Variants in NELL2 observed in about 807,000 individuals in gnomAD.
NELL2 encodes the protein protein kinase C-binding protein NELL2.
In NELL2, 41 loss-of-function variants were observed where a neutral mutation model predicts 109.6. That is an observed-to-expected ratio of 0.37 (90% confidence interval 0.29 to 0.49). NELL2 has a LOEUF of 0.49. Among genes scored for constraint, NELL2 ranks in the 20% least tolerant of loss-of-function variants. The probability of loss-of-function intolerance (pLI) is 0.98; values close to 1 mark genes in which losing one functional copy is unlikely to be tolerated. For synonymous variants in NELL2, 355 were observed against 344.7 expected (o/e 1.03, Z -0.33); for missense variants, 900 against 1,008.3 (o/e 0.89, Z 1.45).
chr12:44,731,487 T>C (rs1248748780), intron 9 of NELL2, among the ~76,000 whole-genome samples: 1 of 152,032 alleles, frequency 6.6e-6, no homozygotes, highest in Non-Finnish European at 1.5e-5. Context: ...GAACAAAGTA[T>C]AACATCACAT....
chr12:44,567,090 G>A (rs757539899), intron 15 of NELL2, among the ~76,000 whole-genome samples: 17 of 152,264 alleles, frequency 1.1e-4, no homozygotes, highest in African/African-American at 2.9e-4. Context: ...GATTACAGGC[G>A]TGAGCCACTG....
chr12:44,748,320 G>A (rs930330953), intron 9 of NELL2, among the ~76,000 whole-genome samples: 3 of 152,102 alleles, frequency 2.0e-5, no homozygotes, highest in Non-Finnish European at 4.4e-5. Flanking sequence ...ACCTTTGATA[G>A]TAGGTTTGCT....
intron 12 of NELL2, among the ~76,000 whole-genome samples, chr12:44,681,649 T>C (rs1247470842): frequency 3.9e-5 from 6 of 151,908 alleles, no homozygotes; most frequent in Non-Finnish European, 7.4e-5. Context: ...CTCCCACCTA[T>C]GGGTGAGAAT....
At chr12:44,509,011 A>T in intron 19 of NELL2, 27 bp from the exon 20 acceptor site, 1 of 1,595,304 alleles carries the variant, frequency 6.3e-7, no homozygotes, top group South Asian at 1.1e-5. Flanking sequence ...TAGAAAGAAA[A>T]ACAGTATGAA....
chr12:44,528,048 A>G (rs901425227), intron 16 of NELL2, among the ~76,000 whole-genome samples: 1 of 135,562 alleles, frequency 7.4e-6, no homozygotes, highest in African/African-American at 2.7e-5. Context: ...CAGTGAGCCG[A>G]GATCGCCTCA....
chr12:44,629,332 A>G (rs1269091852), intron 13 of NELL2, among the ~76,000 whole-genome samples: 1 of 152,214 alleles, frequency 6.6e-6, no homozygotes, highest in African/African-American at 2.4e-5. Context: ...CATTTTTCCT[A>G]TTGATAGGAT....
chr12:44,792,542 C>T (rs188981250), intron 3 of NELL2, among the ~76,000 whole-genome samples: 3 of 152,116 alleles, frequency 2.0e-5, no homozygotes, highest in African/African-American at 7.2e-5. Context: ...GGAAAAGACA[C>T]CATAAATAAA....
intron 15 of NELL2, among the ~76,000 whole-genome samples, chr12:44,592,844 A>G (rs1169304698): frequency 6.6e-6 from 1 of 152,238 alleles, no homozygotes; most frequent in Non-Finnish European, 1.5e-5. Context: ...CATTAGCTTA[A>G]TGGAAAATCT....
intron 15 of NELL2, among the ~76,000 whole-genome samples, chr12:44,600,169 T>C (rs1232600227): frequency 1.4e-5 from 2 of 148,052 alleles, no homozygotes; most frequent in Non-Finnish European, 3.0e-5. Context: ...TATTTATTTA[T>C]TTATTTATTT....
intron 15 of NELL2, among the ~76,000 whole-genome samples, chr12:44,596,937 T>C (rs1944988388): frequency 6.6e-6 from 1 of 152,184 alleles, no homozygotes; most frequent in South Asian, 2.1e-4. Context: ...GACATGGAGT[T>C]TGAAGCAGCT....
At chr12:44,864,408 G>A (rs1320288196) in intron 2 of NELL2, among the ~76,000 whole-genome samples, 4 of 152,070 alleles carry the variant, frequency 2.6e-5, no homozygotes, top group Non-Finnish European at 4.4e-5. Flanking sequence ...AAACAAAATA[G>A]AACAGGATAG....
intron 15 of NELL2, among the ~76,000 whole-genome samples, chr12:44,552,409 A>G (rs1943077221): frequency 2.6e-5 from 4 of 151,278 alleles, no homozygotes; most frequent in Non-Finnish European, 5.9e-5. Flanking sequence ...AAACCTTCAC[A>G]TATTTTCTTT....
At chr12:44,889,073 G>A (rs1945506229) in intron 1 of NELL2, among the ~76,000 whole-genome samples, 1 of 151,932 alleles carries the variant, frequency 6.6e-6, no homozygotes, top group Non-Finnish European at 1.5e-5. Flanking sequence ...TGCTGTACAT[G>A]AATGCCAGTT....
At chr12:44,702,513 T>C (rs918136983) in intron 12 of NELL2, among the ~76,000 whole-genome samples, 13 of 152,322 alleles carry the variant, frequency 8.5e-5, no homozygotes, top group Admixed American at 7.9e-4. Context: ...TTTCATGTTA[T>C]ACATATAAAC....
chr12:44,905,836 T>C (rs1335465321), intron 1 of NELL2, among the ~76,000 whole-genome samples: 1 of 152,036 alleles, frequency 6.6e-6, no homozygotes, highest in South Asian at 2.1e-4. Flanking sequence ...ATTTAATTAA[T>C]GTTTAATGAA....
upstream of NELL2, chr12:44,876,869 C>A (rs1945343141): frequency 7.8e-7 from 1 of 1,288,160 alleles, no homozygotes; most frequent in Admixed American, 3.5e-5. Context: ...GGACGGATGG[C>A]GAGCCTGGGA....
intron 15 of NELL2, among the ~76,000 whole-genome samples, chr12:44,562,931 G>T (rs1943521124): frequency 6.6e-6 from 1 of 152,168 alleles, no homozygotes; most frequent in Admixed American, 6.5e-5. Flanking sequence ...GCCCATCAAT[G>T]ATAGACTGGA....
At chr12:44,808,855 T>C (rs1943086266) in intron 3 of NELL2, among the ~76,000 whole-genome samples, 1 of 152,004 alleles carries the variant, frequency 6.6e-6, no homozygotes, top group Non-Finnish European at 1.5e-5. Flanking sequence ...GTATAATTAA[T>C]ATTAAGAGGA....
chr12:44,891,128 C>T (rs1945529021), intron 1 of NELL2, among the ~76,000 whole-genome samples: 1 of 152,192 alleles, frequency 6.6e-6, no homozygotes, highest in Non-Finnish European at 1.5e-5. Flanking sequence ...CCAAATTAAC[C>T]CCTACTATTT....
Sources: gnomAD v4.1 joint callset for allele counts (sites outside exome capture counted in the v4.1 genomes callset) on GRCh38, gnomAD v4.1.1 for gene constraint, MANE v1.5 for transcripts, NCBI Gene and HGNC (gene_info 2026-07-23, HGNC 2026-07-21) for gene names.